Variants in PCMTD1 observed in about 807,000 individuals in gnomAD.
PCMTD1 encodes protein-L-isoaspartate O-methyltransferase domain-containing protein 1.
A neutral mutation model predicts 37.6 loss-of-function variants in PCMTD1; 12 were observed. That is an observed-to-expected ratio of 0.32 (90% CI 0.20 to 0.52). The LOEUF (loss-of-function observed/expected upper bound fraction) is 0.52. PCMTD1 is among the 20% of genes least tolerant of loss of function. PCMTD1 has a pLI of 0.97. For synonymous variants in PCMTD1, 117 were observed against 135.8 expected (o/e 0.86, Z 0.96); for missense variants, 235 against 421.3 (o/e 0.56, Z 3.87).
At position 51,820,180 on chromosome 8, in the gene PCMTD1, AT is replaced by A. The variant is rs1167298123; in HGVS notation, c.*170del. 2.4e-5 allele frequency: 12 copies of A among 503,560 alleles called. No individual in the cohort carries two copies. The highest frequency in any genetic ancestry group is 3.2e-6 in the Non-Finnish European group (1 of 310,594). 31.2% of individuals were successfully genotyped at this position (503,560 alleles called of 1,614,324 possible). A position where few individuals can be genotyped will look rare whatever the true frequency, so the allele number is the denominator to read the frequency against. On this transcript the variant is annotated 3_prime_UTR_variant, in exon 6 of 6. Transcript: ENST00000522514. ...AAGAAAAATAGATTTTATAAAAGGG[AT>A]TCTTTTATTCACTGAATACATCATT...
intron 5 of PCMTD1, 63 bp from the exon 6 acceptor site, chr8:51,820,781 T>TA: frequency 7.8e-7 from 1 of 1,288,578 alleles, no homozygotes; most frequent in Non-Finnish European, 1.0e-6. Flanking sequence ...CTATTGTTTA[T>TA]TTTTTTCATA....
chr8:51,888,322 TG>T (rs1042488088), intron 1 of PCMTD1, among the ~76,000 whole-genome samples: 11 of 152,134 alleles, frequency 7.2e-5, no homozygotes, highest in African/African-American at 2.4e-4. Context: ...GATTCCAGGT[TG>T]GCCTCAAGAG....
chr8:51,848,077 C>CGTG (rs10684867), intron 2 of PCMTD1, among the ~76,000 whole-genome samples: 20,958 of 151,270 alleles, frequency 0.14, 2,609 homozygotes, highest in African/African-American at 0.32. Context: ...AGAGAGAGAC[C>CGTG]GTGGTTTTGT....
intron 2 of PCMTD1, among the ~76,000 whole-genome samples, chr8:51,856,268 C>T (rs2038387215): frequency 1.3e-5 from 2 of 152,068 alleles, no homozygotes; most frequent in South Asian, 4.1e-4. Flanking sequence ...ATAGCTGTTC[C>T]ATTATCATTA....
chr8:51,832,869 C>T (rs1261791657), intron 4 of PCMTD1, among the ~76,000 whole-genome samples: 4 of 152,118 alleles, frequency 2.6e-5, no homozygotes, highest in Non-Finnish European at 4.4e-5. Context: ...TTTTCTGAGA[C>T]AGGGTCTCAC....
intron 2 of PCMTD1, among the ~76,000 whole-genome samples, chr8:51,851,448 A>G (rs1563346524): frequency 6.6e-6 from 1 of 152,240 alleles, no homozygotes; most frequent in African/African-American, 2.4e-5. Context: ...TGTCACGATT[A>G]GTTCATTTAC....
At chr8:51,840,679 T>C (rs970544100) in intron 3 of PCMTD1, among the ~76,000 whole-genome samples, 3 of 152,106 alleles carry the variant, frequency 2.0e-5, no homozygotes, top group African/African-American at 7.2e-5. Flanking sequence ...GCAAATCATA[T>C]GTGAAAAATG....
Position 51,847,671 on chromosome 8 carries a change from T to G in PCMTD1, c.308-1908A>C, listed in dbSNP as rs1585809401. The stretch of plus-strand genomic sequence containing the variant: ...AAATAAAACTACACTTACTTAACAT[T>G]ATGTACATAGTAAGAAAAATACTAT... On this transcript the variant is annotated intron_variant, in intron 2 of 5. Coordinates refer to ENST00000522514, the MANE Select transcript of PCMTD1 (RefSeq NM_052937.4). Among the ~76,000 whole-genome samples, 5 of 152,132 alleles carry G rather than the reference T, an allele frequency of 3.3e-5. No individual in the cohort carries two copies. The South Asian group carries it at 6.2e-4, about 19-fold the overall frequency.
At chr8:51,889,171 G>C (rs1490489359) in intron 1 of PCMTD1, among the ~76,000 whole-genome samples, 1 of 152,092 alleles carries the variant, frequency 6.6e-6, no homozygotes, top group Non-Finnish European at 1.5e-5. Flanking sequence ...GTCCAAGTTT[G>C]GCCTCTACTT....
At chr8:51,825,955 G>GC (rs1357695692) in intron 5 of PCMTD1, among the ~76,000 whole-genome samples, 1 of 152,152 alleles carries the variant, frequency 6.6e-6, no homozygotes, top group African/African-American at 2.4e-5. Flanking sequence ...GGACAGTGTG[G>GC]CGATTCCTCA....
chr8:51,874,374 A>G (rs549211285), intron 1 of PCMTD1, among the ~76,000 whole-genome samples: 4 of 152,014 alleles, frequency 2.6e-5, no homozygotes, highest in Non-Finnish European at 5.9e-5. Context: ...AACTCCTTCA[A>G]CATGGAACCA....
At chr8:51,880,141 AGT>A (rs891193752) in intron 1 of PCMTD1, among the ~76,000 whole-genome samples, 12 of 151,738 alleles carry the variant, frequency 7.9e-5, no homozygotes, top group African/African-American at 2.9e-4. Context: ...TTGAGGTTAC[AGT>A]GAGCTACAAT....
intron 1 of PCMTD1, among the ~76,000 whole-genome samples, chr8:51,887,882 C>T (rs2038887157): frequency 6.6e-6 from 1 of 151,790 alleles, no homozygotes; most frequent in Non-Finnish European, 1.5e-5. Context: ...GCTGGGATTA[C>T]AGGCACGTGC....
chr8:51,854,397 A>G (rs2038353042), intron 2 of PCMTD1, among the ~76,000 whole-genome samples: 1 of 152,138 alleles, frequency 6.6e-6, no homozygotes, highest in African/African-American at 2.4e-5. Context: ...TCTAAGAAAT[A>G]GAACAGTGGT....
At chr8:51,879,229 GA>G (rs112129715) in intron 1 of PCMTD1, among the ~76,000 whole-genome samples, 109 of 146,704 alleles carry the variant, frequency 7.4e-4, no homozygotes, top group Middle Eastern at 7.0e-3. Flanking sequence ...CACTTGAGGG[GA>G]AAAAAAAAAA....
chr8:51,831,016 GC>G (rs1216770915), intron 5 of PCMTD1, among the ~76,000 whole-genome samples: 70 of 152,106 alleles, frequency 4.6e-4, no homozygotes, highest in African/African-American at 1.6e-3. Context: ...AAAAATTGAG[GC>G]CCAGTGCGGG....
intron 3 of PCMTD1, among the ~76,000 whole-genome samples, chr8:51,839,252 A>C (rs539991395): frequency 3.3e-5 from 5 of 152,202 alleles, no homozygotes; most frequent in Non-Finnish European, 5.9e-5. Flanking sequence ...TAAGCTTATA[A>C]TCATTTATTG....
chr8:51,849,771 A>G (rs530251900), intron 2 of PCMTD1: 70 of 313,474 alleles, frequency 2.2e-4, no homozygotes, highest in African/African-American at 1.4e-3. Flanking sequence ...GCTTGCACAT[A>G]AAAGTTAATA....
At position 51,826,259 on chromosome 8, in the gene PCMTD1, A is replaced by C. The variant is rs893668554; in HGVS notation, c.706+5185T>G. On this transcript the variant is annotated intron_variant, in intron 5 of 5. Coordinates refer to ENST00000522514, the MANE Select transcript of PCMTD1 (RefSeq NM_052937.4). ...AAACCATCATTCTCAGCAAACTATC[A>C]CAAGAACCAAAAACCAAACACTGCA... 3.3e-5 allele frequency among the ~76,000 whole-genome samples: 5 copies of C among 152,338 alleles called. No homozygotes were observed. In the South Asian group the frequency reaches 1.0e-3, roughly 32 times the overall value.
Sources: allele counts gnomAD v4.1 joint callset (sites outside exome capture counted in the v4.1 genomes callset), GRCh38; gene constraint gnomAD v4.1.1; transcripts MANE v1.5; gene names NCBI Gene and HGNC (gene_info 2026-07-23, HGNC 2026-07-21).